ANKRD30BL: variants seen among roughly 807,000 people sequenced by gnomAD.
The protein encoded by ANKRD30BL is putative ankyrin repeat domain-containing protein 30B-like.
ANKRD30BL carries 20 observed loss-of-function variants against 18.4 expected under a neutral mutation model. The ratio of observed to expected loss-of-function variants is 1.09; its 90% CI spans 0.77 to 1.58. The LOEUF is 1.58. Ranked by LOEUF, ANKRD30BL falls within the 40% of genes most tolerant of loss-of-function variation. The pLI is 0.00. For synonymous variants in ANKRD30BL, 72 were observed against 100.9 expected (o/e 0.71, Z 1.72); for missense variants, 224 against 268.6 (o/e 0.83, Z 1.16).
intron 1 of ANKRD30BL, among the ~76,000 whole-genome samples, chr2:132,191,558 A>G (rs1678849741): frequency 6.6e-6 from 1 of 151,948 alleles, no homozygotes; most frequent in South Asian, 2.1e-4. Context: ...CATTTTTTGG[A>G]TCCATTATAG....
chr2:132,204,090 A>T (rs1573838145), intron 1 of ANKRD30BL, among the ~76,000 whole-genome samples: 1 of 152,362 alleles, frequency 6.6e-6, no homozygotes, highest in Admixed American at 6.5e-5. Context: ...AGATATAAAG[A>T]TCTCAGCCTT....
At chr2:132,176,718 G>C (rs1322653544) in intron 1 of ANKRD30BL, among the ~76,000 whole-genome samples, 1 of 152,228 alleles carries the variant, frequency 6.6e-6, no homozygotes, top group African/African-American at 2.4e-5. Flanking sequence ...TTGAATCTAG[G>C]AGACTGGGGT....
At chr2:132,204,165 G>A (rs1349727249) in intron 1 of ANKRD30BL, among the ~76,000 whole-genome samples, 2 of 151,996 alleles carry the variant, frequency 1.3e-5, no homozygotes, top group African/African-American at 4.8e-5. Context: ...AGTAAAAAAT[G>A]GTCTAAGCAG....
intron 1 of ANKRD30BL, among the ~76,000 whole-genome samples, chr2:132,184,194 T>C (rs889475002): frequency 6.6e-6 from 1 of 152,116 alleles, no homozygotes; most frequent in Non-Finnish European, 1.5e-5. Context: ...TTCCTTAGCC[T>C]CCTGAGTAGC....
chr2:132,148,221 T>A lies in ANKRD30BL; in HGVS notation c.687A>T (p.Thr229=), dbSNP rs1166286395. The A allele has an allele frequency of 1.2e-6, 2 of 1,604,220 alleles. No individual in the cohort carries two copies. Among genetic ancestry groups the A allele is most frequent in the Non-Finnish European group, 1.7e-6 (2 of 1,176,066 alleles). Residue 229 remains threonine (T), a synonymous_variant, in exon 6 of 6, where the codon ACA becomes ACT. Transcript: ENST00000409867. ...CAGCCTCATCAGGTGTTCCTTCAGATGTTCCTTCTGCCAAACACAGAGTCT... is the reference window on the plus strand; with the variant it reads ...CAGCCTCATCAGGTGTTCCTTCAGAAGTTCCTTCTGCCAAACACAGAGTCT... The part of the protein sequence containing the change: ...KNSQNSNPEG[T]SEGTPDEAAP...
At chr2:132,168,074 C>T (rs1558917812) in intron 1 of ANKRD30BL, among the ~76,000 whole-genome samples, 1 of 152,062 alleles carries the variant, frequency 6.6e-6, no homozygotes. Context: ...GAAGAACTTC[C>T]TTTAGTATTT....
chr2:132,217,114 G>C (rs369982646), intron 1 of ANKRD30BL, among the ~76,000 whole-genome samples: 1 of 149,318 alleles, frequency 6.7e-6, no homozygotes, highest in South Asian at 2.1e-4. Context: ...CTAGACAGAA[G>C]CATTCTCAGA....
chr2:132,174,347 C>T (rs1407123920), intron 1 of ANKRD30BL, among the ~76,000 whole-genome samples: 1 of 152,098 alleles, frequency 6.6e-6, no homozygotes, highest in Admixed American at 6.5e-5. Flanking sequence ...ATATTTGTGT[C>T]AGAGAGGCAA....
At chr2:132,226,485 A>T (rs150231703) in intron 1 of ANKRD30BL, among the ~76,000 whole-genome samples, 1 of 150,732 alleles carries the variant, frequency 6.6e-6, no homozygotes, top group African/African-American at 2.5e-5. Flanking sequence ...AGTGGGCATT[A>T]GGAGCACTTT....
intron 1 of ANKRD30BL, among the ~76,000 whole-genome samples, chr2:132,235,845 G>A (rs541902075): frequency 6.6e-6 from 1 of 152,008 alleles, no homozygotes; most frequent in Non-Finnish European, 1.5e-5. Flanking sequence ...CTACTTTAAA[G>A]TTCATATGGA....
At chr2:132,236,568 C>A (rs1385638681) in intron 1 of ANKRD30BL, among the ~76,000 whole-genome samples, 1 of 152,132 alleles carries the variant, frequency 6.6e-6, no homozygotes, top group Non-Finnish European at 1.5e-5. Context: ...ATCAAAACCA[C>A]AATGAGATAC....
chr2:132,220,150 G>T (rs145900489), intron 1 of ANKRD30BL, among the ~76,000 whole-genome samples: 1 of 124,218 alleles, frequency 8.1e-6, no homozygotes, highest in Non-Finnish European at 1.8e-5. Context: ...AGTGGCCTTC[G>T]TTGGAAATGG....
At chr2:132,223,553 A>C (rs1328734693) in intron 1 of ANKRD30BL, among the ~76,000 whole-genome samples, 1 of 151,090 alleles carries the variant, frequency 6.6e-6, no homozygotes, top group Non-Finnish European at 1.5e-5. Flanking sequence ...GTTTTGAAAC[A>C]CTCTTTTTGC....
chr2:132,148,667 G>T, intron 5 of ANKRD30BL, among the ~76,000 whole-genome samples: 1 of 151,922 alleles, frequency 6.6e-6, no homozygotes, highest in East Asian at 1.9e-4. Context: ...ACCGCTCCTG[G>T]ACACTACCAA....
upstream of ANKRD30BL, among the ~76,000 whole-genome samples, chr2:132,166,517 A>C (rs1688190282): frequency 6.6e-6 from 1 of 151,948 alleles, no homozygotes; most frequent in Non-Finnish European, 1.5e-5. Context: ...TTCTTTTGTG[A>C]GTATTGGCAT....
chr2:132,215,615 C>A (rs74416023), intron 1 of ANKRD30BL, among the ~76,000 whole-genome samples: 57 of 115,560 alleles, frequency 4.9e-4, no homozygotes, highest in Middle Eastern at 4.6e-3. Context: ...TTTGAGTGAG[C>A]AGTTTGGAAG....
In ANKRD30BL at chr2:132,156,966, T is replaced by C. The variant is rs1687920710; in HGVS notation, c.507+7A>G. ...ATATTTTGAAAATAACATTGGTTAATGTCTACCTTGTTCTTCACTTCGATG... is the reference window on the plus strand; with the variant it reads ...ATATTTTGAAAATAACATTGGTTAACGTCTACCTTGTTCTTCACTTCGATG... On this transcript the variant is annotated splice_region_variant and intron_variant, in intron 3 of 5. Transcript: ENST00000409867. The C allele has an allele frequency of 9.9e-7, 1 of 1,007,422 alleles. No homozygotes were observed. Among genetic ancestry groups the C allele is most frequent in the Non-Finnish European group, 1.4e-6 (1 of 703,018 alleles). 62.4% of individuals were successfully genotyped at this position (1,007,422 alleles called of 1,614,324 possible).
intron 1 of ANKRD30BL, among the ~76,000 whole-genome samples, chr2:132,247,826 T>C (rs2104805102): frequency 6.6e-6 from 1 of 152,140 alleles, no homozygotes; most frequent in Non-Finnish European, 1.5e-5. Context: ...AAAAAGACTG[T>C]TTCTGAATTG....
intron 1 of ANKRD30BL, among the ~76,000 whole-genome samples, chr2:132,185,711 G>C (rs1394499585): frequency 6.6e-6 from 1 of 152,108 alleles, no homozygotes; most frequent in Non-Finnish European, 1.5e-5. Flanking sequence ...AAAGGAAGAG[G>C]TTCAGTCCCA....
Sources: allele counts gnomAD v4.1 joint callset (sites outside exome capture counted in the v4.1 genomes callset), GRCh38; gene constraint gnomAD v4.1.1; transcripts MANE v1.5; gene names NCBI Gene and HGNC (gene_info 2026-07-23, HGNC 2026-07-21).